The following C1orf21 variants were observed in gnomAD, a reference collection of about 807,000 sequenced individuals.
The protein encoded by C1orf21 is uncharacterized protein C1orf21.
C1orf21 carries 3 observed loss-of-function variants against 18.7 expected under a neutral mutation model. That is an observed-to-expected ratio of 0.16 (90% CI 0.07 to 0.42). The LOEUF is 0.42. Among genes scored for constraint, C1orf21 ranks in the 10% least tolerant of loss-of-function variants. The pLI, the probability that C1orf21 is intolerant of heterozygous loss-of-function variation, is 0.99. For synonymous variants in C1orf21, 41 were observed against 46.4 expected (o/e 0.88, Z 0.47); for missense variants, 104 against 143.6 (o/e 0.72, Z 1.41).
chr1:184,550,023 C>G (rs968431111), intron 3 of C1orf21, among the ~76,000 whole-genome samples: 8 of 152,100 alleles, frequency 5.3e-5, no homozygotes, highest in African/African-American at 1.7e-4. Context: ...ATAGGCTTTG[C>G]GTTACCTGAT....
At chr1:184,595,788 A>C (rs1000086074) in intron 4 of C1orf21, among the ~76,000 whole-genome samples, 1 of 152,180 alleles carries the variant, frequency 6.6e-6, no homozygotes, top group Non-Finnish European at 1.5e-5. Context: ...CCTTCCATTC[A>C]GTCTTTCCTA....
chr1:184,591,495 G>A (rs1659435466), intron 4 of C1orf21, among the ~76,000 whole-genome samples: 1 of 152,168 alleles, frequency 6.6e-6, no homozygotes, highest in Non-Finnish European at 1.5e-5. Flanking sequence ...AGCTCTTAAA[G>A]GTAAAACCCA....
At chr1:184,449,123 A>G (rs1571362891) in intron 1 of C1orf21, among the ~76,000 whole-genome samples, 1 of 152,092 alleles carries the variant, frequency 6.6e-6, no homozygotes, top group Admixed American at 6.6e-5. Context: ...ATATGTATAC[A>G]TGTGCCATGT....
intron 3 of C1orf21, among the ~76,000 whole-genome samples, chr1:184,573,937 G>A (rs1571283862): frequency 6.6e-6 from 1 of 152,194 alleles, no homozygotes; most frequent in Non-Finnish European, 1.5e-5. Flanking sequence ...GCTCATGCCT[G>A]TAATCCCAGC....
chr1:184,402,158 C>T (rs1009417559), intron 1 of C1orf21, among the ~76,000 whole-genome samples: 3 of 152,148 alleles, frequency 2.0e-5, no homozygotes, highest in Non-Finnish European at 4.4e-5. Flanking sequence ...TCCTCGGTCA[C>T]ACTATCTATG....
intron 2 of C1orf21, among the ~76,000 whole-genome samples, chr1:184,487,862 C>T (rs1657755701): frequency 6.6e-6 from 1 of 152,098 alleles, no homozygotes; most frequent in Non-Finnish European, 1.5e-5. Flanking sequence ...CTTCATAGGG[C>T]TGTTGTGAGA....
intron 3 of C1orf21, among the ~76,000 whole-genome samples, chr1:184,514,415 A>G (rs777676092): frequency 3.9e-5 from 6 of 152,186 alleles, no homozygotes; most frequent in Non-Finnish European, 7.3e-5. Context: ...GGTGTTGCCT[A>G]ATAGGACTTT....
intron 3 of C1orf21, among the ~76,000 whole-genome samples, chr1:184,522,721 C>T (rs182636692): frequency 4.5e-4 from 69 of 152,222 alleles, no homozygotes; most frequent in African/African-American, 1.6e-3. Context: ...AGTCTCACTC[C>T]GATTTGCCCA....
At position 184,387,966 on chromosome 1, in the gene C1orf21, A is replaced by T. The variant is rs976754356; in HGVS notation, c.-125+598A>T. 2.6e-5 allele frequency among the ~76,000 whole-genome samples: 4 copies of T among 151,990 alleles called. No individual in the cohort carries two copies. Among genetic ancestry groups the T allele is most frequent in the Non-Finnish European group, 5.9e-5 (4 of 68,002 alleles). On this transcript the variant is annotated intron_variant, in intron 1 of 5. Coordinates refer to ENST00000235307, the MANE Select transcript of C1orf21 (RefSeq NM_030806.4). The surrounding 1 kb of genome is among the most constrained non-coding windows in gnomAD (Gnocchi z 5.6). ...GTTTGCCCACCTCGGTGTATTTATT[A>T]TTCGTGCCCATGCGAGGCAGCCAGA...
intron 1 of C1orf21, among the ~76,000 whole-genome samples, chr1:184,464,356 G>A (rs749959174): frequency 1.3e-5 from 2 of 152,188 alleles, no homozygotes; most frequent in African/African-American, 2.4e-5. Flanking sequence ...TAATTATGGG[G>A]TGTGCTGGGA....
rs138675102 is a variant in C1orf21, at chr1:184,621,082, G to C, written c.*1526G>C. ...CACTGCCGCCTGCAGAAGGTGGAGA[G>C]TTAAGATGTTCTATGTCAATTTGCT... On this transcript the variant is annotated 3_prime_UTR_variant, in exon 6 of 6. Coordinates refer to ENST00000235307, the MANE Select transcript of C1orf21 (RefSeq NM_030806.4). 1 of 152,614 alleles carries C rather than the reference G, an allele frequency of 6.6e-6. No homozygotes were observed. The highest frequency in any genetic ancestry group is 2.4e-5 in the African/African-American group (1 of 41,572). 9.5% of individuals were successfully genotyped at this position (152,614 alleles called of 1,614,324 possible).
At position 184,546,622 on chromosome 1, in the gene C1orf21, A is replaced by G. The variant is rs184202148; in HGVS notation, c.189+38940A>G. On this transcript the variant is annotated intron_variant, in intron 3 of 5. Coordinates refer to ENST00000235307, the MANE Select transcript of C1orf21 (RefSeq NM_030806.4). ...ACAGACCACAGACTCTGTTAAGTCT[A>G]TGAATGAAAAAGCCAATTGCATGTG... Among the ~76,000 whole-genome samples the G allele has an allele frequency of 3.2e-3, 494 of 152,346 alleles. 4 individuals carry two copies. The highest frequency in any genetic ancestry group is 0.011 in the African/African-American group (473 of 41,584).
chr1:184,490,371 A>G (rs1657799834), intron 2 of C1orf21, among the ~76,000 whole-genome samples: 2 of 152,216 alleles, frequency 1.3e-5, no homozygotes, highest in Admixed American at 6.5e-5. Flanking sequence ...GTGGGGGAAG[A>G]CTTGTAAAGA....
intron 3 of C1orf21, among the ~76,000 whole-genome samples, chr1:184,554,077 A>C (rs566691285): frequency 6.6e-6 from 1 of 152,196 alleles, no homozygotes; most frequent in East Asian, 1.9e-4. Flanking sequence ...CCTTATTCCT[A>C]TACTTCCTTT....
chr1:184,408,663 C>T (rs555127990), intron 1 of C1orf21, among the ~76,000 whole-genome samples: 5 of 152,228 alleles, frequency 3.3e-5, no homozygotes, highest in Admixed American at 3.3e-4. Context: ...AACTGTTTAC[C>T]ATCAAGGAGG....
At chr1:184,551,351 T>C (rs114990193) in intron 3 of C1orf21, among the ~76,000 whole-genome samples, 3,067 of 152,250 alleles carry the variant, frequency 0.02, 36 homozygotes, top group Non-Finnish European at 0.035. Context: ...AGGGAAAGAA[T>C]TCTTTGTCAT....
chr1:184,600,474 G>A (rs1306051282), intron 5 of C1orf21, among the ~76,000 whole-genome samples: 1 of 152,084 alleles, frequency 6.6e-6, no homozygotes, highest in East Asian at 1.9e-4. Flanking sequence ...GGCCCAGTGT[G>A]TTTTGGTAAT....
At chr1:184,586,440 C>T (rs1295534526) in intron 3 of C1orf21, among the ~76,000 whole-genome samples, 1 of 151,970 alleles carries the variant, frequency 6.6e-6, no homozygotes, top group African/African-American at 2.4e-5. Context: ...CCCGCCACCT[C>T]GCCCGGCTAA....
chr1:184,496,946 A>G (rs775456130), intron 2 of C1orf21, among the ~76,000 whole-genome samples: 5 of 152,190 alleles, frequency 3.3e-5, no homozygotes, highest in Non-Finnish European at 5.9e-5. Context: ...GTCTTACTCT[A>G]CGTTTAAATA....
Sources: gnomAD v4.1 joint callset for allele counts (sites outside exome capture counted in the v4.1 genomes callset) on GRCh38, gnomAD v4.1.1 for gene constraint, Gnocchi (gnomAD v3.1) non-coding constraint, MANE v1.5 for transcripts, NCBI Gene and HGNC (gene_info 2026-07-23, HGNC 2026-07-21) for gene names.